Variants in CRHR1 observed in about 807,000 individuals in gnomAD.
The protein encoded by CRHR1 is corticotropin-releasing hormone receptor 1.
CRHR1 carries 28 observed loss-of-function variants against 56.0 expected under a neutral mutation model. The observed-to-expected ratio is 0.50, with a 90% CI of 0.37 to 0.69. The LOEUF (loss-of-function observed/expected upper bound fraction) is 0.69. CRHR1 is among the 30% of genes least tolerant of loss of function. CRHR1 has a pLI of 0.00. For missense variants in CRHR1, 376 were observed against 548.0 expected (o/e 0.69, Z 3.13); for synonymous variants, 195 against 216.5 (o/e 0.90, Z 0.87).
chr17:45,803,655 G>A (rs914413805), intron 1 of CRHR1, among the ~76,000 whole-genome samples: 23 of 152,212 alleles, frequency 1.5e-4, no homozygotes, highest in Non-Finnish European at 1.0e-4. Flanking sequence ...CAAAGTGCTG[G>A]GATTACAGGC....
intron 2 of CRHR1, among the ~76,000 whole-genome samples, chr17:45,812,164 T>C (rs1471850956): frequency 6.6e-6 from 1 of 152,258 alleles, no homozygotes; most frequent in Non-Finnish European, 1.5e-5. Flanking sequence ...AAATGTTATA[T>C]AAATATAAAT....
At position 45,833,717 on chromosome 17, in the gene CRHR1, G is replaced by A; in HGVS notation, c.933G>A (p.Lys311=). 1 of 559,110 alleles carries A rather than the reference G, an allele frequency of 1.8e-6. No homozygotes were observed. The highest frequency in any genetic ancestry group is 3.4e-6 in the Non-Finnish European group (1 of 293,590). The allele number at this position is 559,110 out of a possible 1,614,324, so 34.6% of individuals were successfully genotyped here. ...STTSETIQYR[K]AVKATLVLLP... Reference sequence around the variant, plus strand: ...CTCCCCACCCGCCCCACCCCAGGAAGGCTGTGAAAGCCACTCTGGTGCTGC... The same window carrying A: ...CTCCCCACCCGCCCCACCCCAGGAAAGCTGTGAAAGCCACTCTGGTGCTGC... The change falls in exon 11 of 13, where the codon AAG becomes AAA. Residue 311 remains lysine, a synonymous_variant. Coordinates refer to ENST00000314537, the MANE Select transcript of CRHR1 (RefSeq NM_004382.5).
chr17:45,834,512 A>G (rs1278130824), intron 12 of CRHR1, 112 bp from the exon 13 acceptor site: 2 of 1,248,886 alleles, frequency 1.6e-6, no homozygotes, highest in Admixed American at 2.6e-5. Flanking sequence ...ACTTCCATGT[A>G]CTCAGCTGAC....
At chr17:45,819,805 G>T (rs1217860384) in intron 3 of CRHR1, among the ~76,000 whole-genome samples, 1 of 152,194 alleles carries the variant, frequency 6.6e-6, no homozygotes, top group African/African-American at 2.4e-5. Flanking sequence ...TCCTCAGCAG[G>T]GGGACCAGGG....
chr17:45,820,560 C>T (rs553901225), intron 3 of CRHR1, among the ~76,000 whole-genome samples: 2 of 152,294 alleles, frequency 1.3e-5, no homozygotes, highest in South Asian at 4.1e-4. Flanking sequence ...CACAAACCTC[C>T]ATATGTCCCT....
chr17:45,833,061 G>T (rs1038990498), intron 8 of CRHR1, 77 bp from the exon 9 acceptor site: 1 of 1,326,380 alleles, frequency 7.5e-7, no homozygotes, highest in Non-Finnish European at 1.1e-6. Context: ...TCCTGTCCTG[G>T]CCAAGCACTG....
chr17:45,804,133 G>C (rs750410246), intron 1 of CRHR1, among the ~76,000 whole-genome samples: 6 of 152,142 alleles, frequency 3.9e-5, no homozygotes, highest in Non-Finnish European at 5.9e-5. Flanking sequence ...ATAAAGTGTT[G>C]GAAGTTCCTT....
At chr17:45,821,250 C>T (rs1206264848) in intron 3 of CRHR1, 105 bp from the exon 4 acceptor site, 1 of 993,392 alleles carries the variant, frequency 1.0e-6, no homozygotes, top group Non-Finnish European at 1.6e-6. Context: ...CAGCAGGTGC[C>T]TGTACTGGCC....
intron 8 of CRHR1, among the ~76,000 whole-genome samples, chr17:45,831,902 G>T: frequency 6.6e-6 from 1 of 152,170 alleles, no homozygotes; most frequent in East Asian, 1.9e-4. Flanking sequence ...TGAAAGAGGA[G>T]CCTGGAAGAT....
Position 45,830,879 on chromosome 17 carries a change from G to C in CRHR1, c.710-1G>C. On this transcript the variant is annotated splice_acceptor_variant, in intron 7 of 12. Coordinates refer to ENST00000314537, the MANE Select transcript of CRHR1 (RefSeq NM_004382.5). LOFTEE classifies it high-confidence loss of function. ...TCTGTGACAGCCCATCTCTCCCCCAGGTGTGCCCTTCCCCATCATTGTGGC... is the reference window on the plus strand; with the variant it reads ...TCTGTGACAGCCCATCTCTCCCCCACGTGTGCCCTTCCCCATCATTGTGGC... 6.2e-7 allele frequency: 1 copy of C among 1,613,778 alleles called. No individual in the cohort carries two copies. Among genetic ancestry groups the C allele is most frequent in the Non-Finnish European group, 8.5e-7 (1 of 1,179,834 alleles).
At chr17:45,792,737 C>T (rs763081083) in intron 1 of CRHR1, among the ~76,000 whole-genome samples, 1 of 152,188 alleles carries the variant, frequency 6.6e-6, no homozygotes, top group Non-Finnish European at 1.5e-5. Context: ...TCTAGCTCAT[C>T]GTGGATCCTG....
At chr17:45,804,629 A>G (rs1344064444) in intron 1 of CRHR1, among the ~76,000 whole-genome samples, 1 of 151,876 alleles carries the variant, frequency 6.6e-6, no homozygotes, top group Non-Finnish European at 1.5e-5. Context: ...GGACAGGGAG[A>G]AGGTCCTGAG....
rs778224446 is a variant in CRHR1 at position 45,830,500 on chromosome 17, G to T, written c.639G>T (p.Leu213=). 2 of 1,613,750 alleles carry T rather than the reference G, an allele frequency of 1.2e-6. No individual in the cohort carries two copies. The highest frequency in any genetic ancestry group is 1.1e-5 in the South Asian group (1 of 91,088). ...GGATGTTCGGCGAGGGCTGCTACCT[G>T]CACACAGCCATCGTGCTCACCTACT... ...FFWMFGEGCY[L]HTAIVLTYST... is the part of the protein sequence containing the mutation. Residue 213 remains leucine, a synonymous_variant, in exon 7 of 13, where the codon CTG becomes CTT. Coordinates refer to ENST00000314537, the MANE Select transcript of CRHR1 (RefSeq NM_004382.5).
At chr17:45,806,161 G>A (rs1001885729) in intron 1 of CRHR1, among the ~76,000 whole-genome samples, 1 of 152,210 alleles carries the variant, frequency 6.6e-6, no homozygotes, top group Non-Finnish European at 1.5e-5. Flanking sequence ...CTGTCGGGAG[G>A]GGGGTAATGC....
chr17:45,798,502 G>A (rs2061560841), intron 1 of CRHR1, among the ~76,000 whole-genome samples: 1 of 145,956 alleles, frequency 6.9e-6, no homozygotes, highest in Non-Finnish European at 1.5e-5. Flanking sequence ...CTCCAGCCTG[G>A]GCGACAAGGC....
intron 1 of CRHR1, among the ~76,000 whole-genome samples, chr17:45,791,159 G>A (rs2061418313): frequency 6.6e-6 from 1 of 150,842 alleles, no homozygotes; most frequent in South Asian, 2.1e-4. Context: ...GAGGCCAGAG[G>A]TACCAGGCTG....
intron 1 of CRHR1, among the ~76,000 whole-genome samples, chr17:45,787,246 C>T (rs2061352905): frequency 6.6e-6 from 1 of 152,110 alleles, no homozygotes; most frequent in Non-Finnish European, 1.5e-5. Flanking sequence ...GGCCATGAGT[C>T]AGGAGAAGAC....
intron 6 of CRHR1, 99 bp from the exon 7 acceptor site, chr17:45,830,318 C>A: frequency 3.1e-6 from 5 of 1,589,722 alleles, no homozygotes; most frequent in South Asian, 2.3e-5. Context: ...GGAGTGGGAT[C>A]CCAGGGTATG....
At chr17:45,829,935 G>A (rs1015438339) in intron 5 of CRHR1, among the ~76,000 whole-genome samples, 159 bp from the exon 6 acceptor site, 1 of 152,122 alleles carries the variant, frequency 6.6e-6, no homozygotes, top group African/African-American at 2.4e-5. Flanking sequence ...GGGGCATTAG[G>A]AGAGCCTGGC....
Sources: gnomAD v4.1 joint callset for allele counts (sites outside exome capture counted in the v4.1 genomes callset) on GRCh38, gnomAD v4.1.1 for gene constraint, MANE v1.5 for transcripts, NCBI Gene and HGNC (gene_info 2026-07-23, HGNC 2026-07-21) for gene names.